GRM7: variants seen among roughly 807,000 people sequenced by gnomAD.
The protein encoded by GRM7 is metabotropic glutamate receptor 7.
In GRM7, 35 loss-of-function variants were observed where a neutral mutation model predicts 84.5. That is an observed-to-expected ratio of 0.41 (90% confidence interval 0.32 to 0.55). GRM7 has a LOEUF of 0.55. GRM7 is among the 20% of genes least tolerant of loss of function. The pLI is 0.19. For synonymous variants in GRM7, 487 were observed against 455.1 expected, an observed-to-expected ratio of 1.07 and a Z score of -0.89; for missense variants, 1,003 against 1,194.6, an observed-to-expected ratio of 0.84 and a Z score of 2.36.
rs767039541 is a variant in GRM7, at chr3:7,452,679, A to G, written c.1247A>G (p.Tyr416Cys). Residue 416 changes from tyrosine (Y) to cysteine (C), a missense_variant, in exon 6 of 10, where the codon TAT becomes TGT. Around this residue, in one of 2 missense-constraint regions of GRM7, gnomAD observed 910 missense variants for 1,126.0 expected, o/e 0.81. Coordinates refer to ENST00000357716, the MANE Select transcript of GRM7 (RefSeq NM_000844.4). ...GTCCAGTTCGTGATTGACGCAGTCT[A>G]TGCTATGGCTCACGCCCTTCACCAC... ...GKVQFVIDAVYAMAHALHHMN... is the reference protein window; with the variant it reads ...GKVQFVIDAVCAMAHALHHMN... 8 of 1,613,186 alleles carry G rather than the reference A, an allele frequency of 5.0e-6. No individual in the cohort carries two copies. Among genetic ancestry groups the G allele is most frequent in the East Asian group, 2.2e-5 (1 of 44,850 alleles).
intron 8 of GRM7, among the ~76,000 whole-genome samples, chr3:7,631,688 A>G (rs1306995701): frequency 6.6e-6 from 1 of 152,142 alleles, no homozygotes; most frequent in African/African-American, 2.4e-5. Context: ...TGTAGGATAT[A>G]TAACAACATC....
At chr3:6,956,735 T>A (rs1693071220) in intron 1 of GRM7, 1 of 435,930 alleles carries the variant, frequency 2.3e-6, no homozygotes, top group Admixed American at 2.5e-5. Context: ...GAGTGTTCCG[T>A]TGTAGAATGT....
rs73018277 is a variant in GRM7 at position 7,288,425 on chromosome 3, T to C, written c.737-10259T>C. Among the ~76,000 whole-genome samples the C allele has an allele frequency of 2.9e-3, 436 of 152,242 alleles. 3 individuals carry two copies. The highest frequency in any genetic ancestry group is 5.1e-3 in the Non-Finnish European group (350 of 68,026). ...AAGTGAAGGAAATCATATCAGAATT[T>C]ATAAGAACTGGTAGGAACCTAGCTC... On this transcript the variant is annotated intron_variant, in intron 2 of 9. Coordinates refer to ENST00000357716, the MANE Select transcript of GRM7 (RefSeq NM_000844.4).
In GRM7 at chr3:7,354,324, A is replaced by G. The variant is rs539783720; in HGVS notation, c.1033+47672A>G. On this transcript the variant is annotated intron_variant, in intron 4 of 9. Transcript: ENST00000357716. ...AATTAGTGTAGAGCTTATGGGGTTC[A>G]GGTGATTAATGGAGTGTTACCTCAT... 2.6e-5 allele frequency among the ~76,000 whole-genome samples: 4 copies of G among 151,530 alleles called. No homozygotes were observed. The East Asian group carries it at 7.9e-4, about 30-fold the overall frequency.
chr3:7,398,866 A>G (rs1025308298), intron 4 of GRM7, among the ~76,000 whole-genome samples: 2 of 152,170 alleles, frequency 1.3e-5, no homozygotes, highest in East Asian at 1.9e-4. Flanking sequence ...TTGAGATTCT[A>G]TGATTCTGTA....
chr3:7,449,371 T>A (rs990698029), intron 5 of GRM7, among the ~76,000 whole-genome samples: 2 of 152,122 alleles, frequency 1.3e-5, no homozygotes, highest in African/African-American at 4.8e-5. Flanking sequence ...AAGATTCAAC[T>A]TCAGCAAGGC....
chr3:7,459,773 A>T (rs1289202163), intron 6 of GRM7, among the ~76,000 whole-genome samples: 1 of 152,106 alleles, frequency 6.6e-6, no homozygotes, highest in Non-Finnish European at 1.5e-5. Flanking sequence ...GCCAAACCGT[A>T]TCAGGGCATT....
At chr3:7,664,288 T>A (rs541682706) in intron 8 of GRM7, among the ~76,000 whole-genome samples, 30 of 136,588 alleles carry the variant, frequency 2.2e-4, no homozygotes, top group Admixed American at 3.4e-4. Context: ...ACTTTTGTTG[T>A]AATCGTGGAA....
intron 1 of GRM7, among the ~76,000 whole-genome samples, chr3:7,052,711 G>T (rs1220145414): frequency 3.9e-5 from 5 of 129,320 alleles, no homozygotes; most frequent in African/African-American, 6.6e-5. Context: ...GTTATTGCAA[G>T]TATCGGTAGT....
intron 4 of GRM7, among the ~76,000 whole-genome samples, chr3:7,314,004 TTTAA>T (rs1244654295): frequency 1.3e-5 from 2 of 152,150 alleles, no homozygotes; most frequent in Non-Finnish European, 2.9e-5. Context: ...TATCCTGAAT[TTTAA>T]TTCTAAAGAA....
At chr3:6,889,810 C>G (rs1403021787) in intron 1 of GRM7, among the ~76,000 whole-genome samples, 1 of 152,102 alleles carries the variant, frequency 6.6e-6, no homozygotes, top group Non-Finnish European at 1.5e-5. Flanking sequence ...AGGAATGGTA[C>G]CAGTTCCTCC....
chr3:6,887,989 G>A (rs1695769900), intron 1 of GRM7, among the ~76,000 whole-genome samples: 1 of 152,194 alleles, frequency 6.6e-6, no homozygotes, highest in Non-Finnish European at 1.5e-5. Context: ...CAGTGATGGT[G>A]AGCATTTTTT....
chr3:7,525,419 A>G (rs1379492149), intron 7 of GRM7, among the ~76,000 whole-genome samples: 4 of 152,058 alleles, frequency 2.6e-5, no homozygotes, highest in Non-Finnish European at 5.9e-5. Context: ...GGGTCTCCCT[A>G]TGTTACCCAG....
intron 1 of GRM7, among the ~76,000 whole-genome samples, chr3:7,129,456 G>A (rs1035832075): frequency 6.6e-6 from 1 of 152,096 alleles, no homozygotes; most frequent in African/African-American, 2.4e-5. Context: ...ACAATATACT[G>A]GCTAAAAAAT....
At chr3:7,470,738 A>G (rs1245447618) in intron 7 of GRM7, among the ~76,000 whole-genome samples, 1 of 152,164 alleles carries the variant, frequency 6.6e-6, no homozygotes, top group East Asian at 1.9e-4. Flanking sequence ...GAAATACAAC[A>G]AGATAAATGA....
At chr3:7,214,594 C>T (rs547195114) in intron 2 of GRM7, among the ~76,000 whole-genome samples, 54 of 152,298 alleles carry the variant, frequency 3.5e-4, no homozygotes, top group African/African-American at 1.3e-3. Flanking sequence ...CACATGTAGA[C>T]AAGTACTTGA....
chr3:7,010,260 G>T (rs1390653367), intron 1 of GRM7, among the ~76,000 whole-genome samples: 1 of 152,134 alleles, frequency 6.6e-6, no homozygotes, highest in Non-Finnish European at 1.5e-5. Context: ...AACCCAGCCT[G>T]GGCAACACGG....
chr3:7,270,338 T>A (rs1436621754), intron 2 of GRM7, among the ~76,000 whole-genome samples: 1 of 152,198 alleles, frequency 6.6e-6, no homozygotes, highest in Non-Finnish European at 1.5e-5. Context: ...GACTGTAACT[T>A]CATTGAGGAC....
intron 1 of GRM7, among the ~76,000 whole-genome samples, chr3:7,135,132 A>G (rs2125057109): frequency 6.6e-6 from 1 of 152,338 alleles, no homozygotes; most frequent in South Asian, 2.1e-4. Context: ...CAAGATTATT[A>G]GTTATCTCTC....
Sources: gnomAD v4.1 joint callset for allele counts (sites outside exome capture counted in the v4.1 genomes callset) on GRCh38, gnomAD v4.1.1 for gene constraint, gnomAD v4.1.1 regional missense constraint, MANE v1.5 for transcripts, NCBI Gene and HGNC (gene_info 2026-07-23, HGNC 2026-07-21) for gene names.